Variants in WDFY3 observed in about 807,000 individuals in gnomAD.
WDFY3 encodes WD repeat and FYVE domain containing 3, also known as WD repeat and FYVE domain-containing protein 3.
Under a neutral mutation model 409.6 loss-of-function variants are expected in WDFY3, and 66 were observed. The ratio of observed to expected loss-of-function variants is 0.16; its 90% CI spans 0.13 to 0.20. The LOEUF is 0.20. WDFY3 is among the 10% of genes least tolerant of loss of function. The pLI, the probability that WDFY3 is intolerant of heterozygous loss-of-function variation, is 1.00. For missense variants in WDFY3, 3,031 were observed against 4,298.1 expected, an observed-to-expected ratio of 0.71 and a Z score of 8.24; for synonymous variants, 1,521 against 1,537.1, an observed-to-expected ratio of 0.99 and a Z score of 0.25.
Position 84,796,527 on chromosome 4 carries a change from C to G in WDFY3, c.3161G>C (p.Gly1054Ala). The G allele has an allele frequency of 6.3e-7, 1 of 1,578,498 alleles. No homozygotes were observed. Among genetic ancestry groups the G allele is most frequent in the Non-Finnish European group, 8.6e-7 (1 of 1,160,060 alleles). The change falls in exon 19 of 68, where the codon GGG (glycine) becomes GCG (alanine). Residue 1054 changes from glycine (G) to alanine (A), a missense_variant. By Grantham distance (60) the Gly-to-Ala change is moderately conservative. Coordinates refer to ENST00000295888, the MANE Select transcript of WDFY3 (RefSeq NM_014991.6). The stretch of plus-strand genomic sequence containing the variant: ...TTCCTTGCAAATTTCTTACCCAAAC[C>G]CTTCAAGTGATGTGTCAAATTCAAC... ...AFVEFDTSLE[G>A]FGCLFLPSLA...
chr4:84,883,115 G>C (rs1420974692), intron 3 of WDFY3, among the ~76,000 whole-genome samples: 1 of 152,172 alleles, frequency 6.6e-6, no homozygotes, highest in East Asian at 1.9e-4. Context: ...AGAGTGGAGG[G>C]GTAGACGAAA....
chr4:84,695,709 G>C (rs1730030628), intron 58 of WDFY3, among the ~76,000 whole-genome samples: 1 of 152,050 alleles, frequency 6.6e-6, no homozygotes, highest in South Asian at 2.1e-4. Flanking sequence ...GGCCCCTCCT[G>C]TTACATCTCA....
intron 20 of WDFY3, 30 bp downstream of exon 20, chr4:84,794,849 A>G (rs759687057): frequency 3.2e-6 from 5 of 1,545,348 alleles, no homozygotes; most frequent in South Asian, 1.3e-5. Context: ...TAGAAAAAAA[A>G]CTCATAAGCA....
intron 8 of WDFY3, among the ~76,000 whole-genome samples, chr4:84,830,271 T>C (rs1163492173): frequency 6.6e-6 from 1 of 152,216 alleles, no homozygotes; most frequent in Non-Finnish European, 1.5e-5. Flanking sequence ...GAAAGCAACA[T>C]GTATTCAATA....
intron 67 of WDFY3, among the ~76,000 whole-genome samples, chr4:84,674,388 A>G: frequency 6.6e-6 from 1 of 151,746 alleles, no homozygotes; most frequent in East Asian, 1.9e-4. Flanking sequence ...TGGGGAACAT[A>G]GTGAGACTCT....
chr4:84,937,570 C>T (rs1254456240), intron 1 of WDFY3, among the ~76,000 whole-genome samples: 1 of 152,094 alleles, frequency 6.6e-6, no homozygotes, highest in Non-Finnish European at 1.5e-5. Flanking sequence ...CAACTTCTAC[C>T]CTTGTCCTAT....
intron 2 of WDFY3, among the ~76,000 whole-genome samples, chr4:84,904,665 T>C (rs529240675): frequency 2.4e-4 from 36 of 152,324 alleles, no homozygotes; most frequent in Non-Finnish European, 4.6e-4. Context: ...GCAAGCAAAA[T>C]GTGGCCCATG....
At position 84,684,108 on chromosome 4, in the gene WDFY3, G is replaced by A. The variant is rs376105702; in HGVS notation, c.9561C>T (p.Cys3187=). ...TCCACACATGGATATATGTGCCAGC[G>A]CAGGACACAATGTCCCCCTGAGAAG... ...INELTGDIVS[C]AGTYIHVWSI... The change falls in exon 63 of 68, where the codon TGC becomes TGT. Residue 3187 remains cysteine (C), a synonymous_variant. Coordinates refer to ENST00000295888, the MANE Select transcript of WDFY3 (RefSeq NM_014991.6). The A allele has an allele frequency of 7.8e-5, 124 of 1,590,812 alleles. No homozygotes were observed. The highest frequency in any genetic ancestry group is 2.6e-4 in the South Asian group (23 of 89,854).
chr4:84,884,627 A>G (rs1389962870), intron 3 of WDFY3, among the ~76,000 whole-genome samples: 1 of 152,210 alleles, frequency 6.6e-6, no homozygotes, highest in Non-Finnish European at 1.5e-5. Context: ...CTTAGGAAAC[A>G]TAACAGGTAA....
rs372750494 is a variant in WDFY3, at chr4:84,787,449, T to C, written c.3901+33A>G. The C allele has an allele frequency of 3.8e-6, 6 of 1,594,618 alleles. No individual in the cohort carries two copies. In the African/African-American group the frequency reaches 6.7e-5, roughly 18 times the overall value. ...TCTATATTGCAGGAGTTAAGTTTCA[T>C]ACAACTTCAAGAACTAAAAATAAGT... On this transcript the variant is annotated intron_variant, in intron 23 of 67. Transcript: ENST00000295888.
intron 14 of WDFY3, 57 bp from the exon 15 acceptor site, chr4:84,808,474 G>T (rs986126682): frequency 6.7e-6 from 10 of 1,485,184 alleles, no homozygotes; most frequent in Non-Finnish European, 9.3e-6. Flanking sequence ...GAGAACACCA[G>T]GTTGGCAGTT....
intron 3 of WDFY3, 125 bp from the exon 4 acceptor site, chr4:84,860,747 T>C (rs1760492634): frequency 7.8e-6 from 7 of 900,468 alleles, no homozygotes; most frequent in African/African-American, 1.7e-5. Context: ...ATCTTTCTAC[T>C]TCTTTAAACA....
At chr4:84,743,660 T>A in intron 37 of WDFY3, 40 bp downstream of exon 37, 1 of 1,454,880 alleles carries the variant, frequency 6.9e-7, no homozygotes, top group Non-Finnish European at 9.2e-7. Flanking sequence ...GAGAGGAAAG[T>A]GATTATAGGT....
chr4:84,787,129 G>A lies in WDFY3; in HGVS notation c.3901+353C>T, dbSNP rs72947572. Among the ~76,000 whole-genome samples the A allele has an allele frequency of 2.6e-3, 391 of 152,290 alleles. 1 individual carries two copies. The highest frequency in any genetic ancestry group is 9.0e-3 in the African/African-American group (373 of 41,554). On this transcript the variant is annotated intron_variant, in intron 23 of 67. Coordinates refer to ENST00000295888, the MANE Select transcript of WDFY3 (RefSeq NM_014991.6). ...GTGTGTGTGTTTATTGAACCTATCTGTTCTTCCTTTAACAGGGGTGGCTAT... is the reference window on the plus strand; with the variant it reads ...GTGTGTGTGTTTATTGAACCTATCTATTCTTCCTTTAACAGGGGTGGCTAT...
chr4:84,755,437 T>C, intron 33 of WDFY3, 37 bp from the exon 34 acceptor site: 5 of 1,574,832 alleles, frequency 3.2e-6, no homozygotes, highest in Non-Finnish European at 4.3e-6. Flanking sequence ...TAGCCACCAC[T>C]AATTTTTCAG....
At chr4:84,926,183 C>G in intron 2 of WDFY3, among the ~76,000 whole-genome samples, 1 of 136,486 alleles carries the variant, frequency 7.3e-6, no homozygotes, top group East Asian at 2.2e-4. Context: ...CCAGCCTGGG[C>G]GACAGAGTGA....
At chr4:84,681,559 A>T (rs1184914921) in intron 64 of WDFY3, among the ~76,000 whole-genome samples, 1 of 152,228 alleles carries the variant, frequency 6.6e-6, no homozygotes, top group African/African-American at 2.4e-5. Context: ...TATATAGAGA[A>T]GTGACTTGTG....
Position 84,670,992 on chromosome 4 carries a change from T to C in WDFY3, c.*1876A>G, listed in dbSNP as rs753372292. 6.6e-5 allele frequency: 10 copies of C among 152,586 alleles called. No homozygotes were observed. Among genetic ancestry groups the C allele is most frequent in the African/African-American group, 2.4e-4 (10 of 41,444 alleles). The allele number at this position is 152,586 out of a possible 1,614,324, so 9.5% of individuals were successfully genotyped here. On this transcript the variant is annotated 3_prime_UTR_variant, in exon 68 of 68. Transcript: ENST00000295888. ...ACAAGTATATTTGAACTTTTAGAAA[T>C]GGAAGTGTTTTAATCAATTTTGATA...
chr4:84,826,738 G>GT (rs1469035107), intron 10 of WDFY3, 77 bp downstream of exon 10: 1 of 1,420,980 alleles, frequency 7.0e-7, no homozygotes, highest in Non-Finnish European at 9.3e-7. Flanking sequence ...GAAACAAAAA[G>GT]TAATATACCA....
Sources: allele counts gnomAD v4.1 joint callset (sites outside exome capture counted in the v4.1 genomes callset), GRCh38; gene constraint gnomAD v4.1.1; transcripts MANE v1.5; gene names NCBI Gene and HGNC (gene_info 2026-07-23, HGNC 2026-07-21).